Variants in SH3RF3 observed in about 807,000 individuals in gnomAD.
The protein encoded by SH3RF3 is SH3 domain containing ring finger 3.
Under a neutral mutation model 66.3 loss-of-function variants are expected in SH3RF3, and 29 were observed. That is an observed-to-expected ratio of 0.44 (90% CI 0.33 to 0.60). The LOEUF is 0.60. Ranked by LOEUF, SH3RF3 falls within the 20% of genes least tolerant of loss-of-function variation. The pLI is 0.04. For synonymous variants in SH3RF3, 583 were observed against 532.0 expected, an observed-to-expected ratio of 1.10 and a Z score of -1.32; for missense variants, 1,194 against 1,190.9, an observed-to-expected ratio of 1.00 and a Z score of -0.04.
At chr2:109,172,436 A>G (rs1436346167) in intron 1 of SH3RF3, among the ~76,000 whole-genome samples, 1 of 152,226 alleles carries the variant, frequency 6.6e-6, no homozygotes, top group African/African-American at 2.4e-5. Context: ...TAAAAACATT[A>G]AAATACGTTT....
intron 5 of SH3RF3, among the ~76,000 whole-genome samples, chr2:109,426,610 T>C (rs971680213): frequency 2.0e-5 from 3 of 152,240 alleles, no homozygotes; most frequent in Non-Finnish European, 4.4e-5. Flanking sequence ...CTGGTGAAGA[T>C]GGTGGGAACA....
chr2:109,299,085 C>G (rs936190460), intron 1 of SH3RF3, among the ~76,000 whole-genome samples: 5 of 152,218 alleles, frequency 3.3e-5, no homozygotes, highest in Non-Finnish European at 2.9e-5. Context: ...CCACAAGCCA[C>G]TGGGCAGGCT....
At chr2:109,494,882 A>G (rs973690240) in intron 9 of SH3RF3, among the ~76,000 whole-genome samples, 11 of 152,116 alleles carry the variant, frequency 7.2e-5, no homozygotes, top group Non-Finnish European at 1.6e-4. Context: ...CTCCACTCTC[A>G]GAGGAAGGAC....
intron 1 of SH3RF3, among the ~76,000 whole-genome samples, chr2:109,213,815 G>GTGGTA (rs978852964): frequency 2.6e-5 from 4 of 152,236 alleles, no homozygotes; most frequent in African/African-American, 9.6e-5. Context: ...GTGGTGTGGT[G>GTGGTA]GATGGGCTGG....
intron 1 of SH3RF3, among the ~76,000 whole-genome samples, chr2:109,291,837 A>G (rs1184747820): frequency 1.3e-5 from 2 of 152,136 alleles, no homozygotes; most frequent in East Asian, 3.9e-4. Flanking sequence ...GCCATATTTC[A>G]TGCCTTCTCA....
At chr2:109,489,058 T>C (rs1679054939) in intron 8 of SH3RF3, among the ~76,000 whole-genome samples, 1 of 152,070 alleles carries the variant, frequency 6.6e-6, no homozygotes, top group African/African-American at 2.4e-5. Flanking sequence ...AGGAAACACA[T>C]TGAGAAAAGT....
At chr2:109,176,802 C>T (rs1677926951) in intron 1 of SH3RF3, among the ~76,000 whole-genome samples, 1 of 152,208 alleles carries the variant, frequency 6.6e-6, no homozygotes, top group African/African-American at 2.4e-5. Flanking sequence ...AAGTTAGGCT[C>T]AGCCGTGAAC....
chr2:109,351,557 T>C (rs988551581), intron 2 of SH3RF3, among the ~76,000 whole-genome samples: 4 of 152,262 alleles, frequency 2.6e-5, no homozygotes, highest in Admixed American at 2.0e-4. Flanking sequence ...ATGAAAACAT[T>C]GTGGTCGCCT....
intron 1 of SH3RF3, among the ~76,000 whole-genome samples, chr2:109,197,131 C>G (rs1369745702): frequency 1.3e-5 from 2 of 152,192 alleles, no homozygotes; most frequent in East Asian, 3.9e-4. Context: ...TGGGTTTGAA[C>G]CTGTGCAGAT....
chr2:109,445,460 G>C (rs372664951), intron 7 of SH3RF3, among the ~76,000 whole-genome samples: 1 of 152,094 alleles, frequency 6.6e-6, no homozygotes, highest in Non-Finnish European at 1.5e-5. Flanking sequence ...TACTTACATA[G>C]AAATGAATAA....
chr2:109,393,689 C>T lies in SH3RF3; in HGVS notation c.946-4901C>T, dbSNP rs79888133. On this transcript the variant is annotated intron_variant, in intron 3 of 9. Transcript: ENST00000309415. ...AGGACACATTCCCTCCCTTGTATCG[C>T]GCTCCCAAGCCCTGTCGCTCAGTGC... 7.2e-3 allele frequency among the ~76,000 whole-genome samples: 1,100 copies of T among 152,010 alleles called. 12 individuals are homozygous for T. The highest frequency in any genetic ancestry group is 0.051 in the East Asian group (264 of 5,146).
intron 8 of SH3RF3, among the ~76,000 whole-genome samples, chr2:109,479,438 G>A (rs769484229): frequency 6.8e-4 from 104 of 152,260 alleles, no homozygotes; most frequent in Non-Finnish European, 1.3e-3. Flanking sequence ...AGTTCAGTAG[G>A]AACATTTCTT....
At chr2:109,170,292 CTCTTCTCTTCTCTTCTCTTCTCTCCT>C (rs1677742504) in intron 1 of SH3RF3, among the ~76,000 whole-genome samples, 4 of 130,316 alleles carry the variant, frequency 3.1e-5, no homozygotes, top group African/African-American at 1.2e-4. Context: ...CTCTTCTCTT[CTCTTCTCTTCTCTTCTCTTCTCTCCT>C]CTCTCTCTCT....
At chr2:109,458,567 G>GGAGAGAGAGAGAGAGAGAGAGAGA (rs1559094585) in intron 8 of SH3RF3, among the ~76,000 whole-genome samples, 1 of 43,104 alleles carries the variant, frequency 2.3e-5, no homozygotes, top group Admixed American at 2.7e-4. Flanking sequence ...AGAACCAGCA[G>GGAGAGAGAGAGAGAGAGAGAGAGA]GAGACAGAGA....
intron 1 of SH3RF3, among the ~76,000 whole-genome samples, chr2:109,149,801 G>T (rs1677190187): frequency 1.3e-5 from 2 of 152,232 alleles, no homozygotes; most frequent in African/African-American, 4.8e-5. Context: ...GAGATGCTTT[G>T]TAGTGCAGGT....
intron 1 of SH3RF3, among the ~76,000 whole-genome samples, chr2:109,307,326 G>GAT (rs1056945871): frequency 1.3e-5 from 2 of 152,176 alleles, no homozygotes; most frequent in Non-Finnish European, 2.9e-5. Context: ...ATGCTCACAG[G>GAT]AGCACTTGGC....
At chr2:109,236,337 G>A (rs1679649844) in intron 1 of SH3RF3, among the ~76,000 whole-genome samples, 1 of 152,130 alleles carries the variant, frequency 6.6e-6, no homozygotes, top group Admixed American at 6.5e-5. Flanking sequence ...GCCCAGCAGT[G>A]CCTCCAGAGT....
chr2:109,380,007 A>T (rs1683477698), intron 3 of SH3RF3, among the ~76,000 whole-genome samples: 1 of 152,176 alleles, frequency 6.6e-6, no homozygotes, highest in South Asian at 2.1e-4. Flanking sequence ...GATTAACGAC[A>T]TAAAGAAATA....
intron 7 of SH3RF3, among the ~76,000 whole-genome samples, chr2:109,438,344 G>A (rs147359603): frequency 6.6e-6 from 1 of 152,144 alleles, no homozygotes; most frequent in African/African-American, 2.4e-5. Flanking sequence ...CAGGTATAGG[G>A]TGAACTTTGG....
Sources: allele counts gnomAD v4.1 joint callset (sites outside exome capture counted in the v4.1 genomes callset), GRCh38; gene constraint gnomAD v4.1.1; transcripts MANE v1.5; gene names NCBI Gene and HGNC (gene_info 2026-07-23, HGNC 2026-07-21).